PPP1R9A: variants seen among roughly 807,000 people sequenced by gnomAD.
PPP1R9A encodes protein phosphatase 1 regulatory subunit 9A, also known as neurabin-1.
A neutral mutation model predicts 141.9 loss-of-function variants in PPP1R9A; 59 were observed. The ratio of observed to expected loss-of-function variants is 0.42; its 90% confidence interval spans 0.34 to 0.52. PPP1R9A has a LOEUF of 0.52. Ranked by LOEUF, PPP1R9A falls within the 20% of genes least tolerant of loss-of-function variation. The probability of loss-of-function intolerance (pLI) is 0.10; values close to 1 mark genes in which losing one functional copy is unlikely to be tolerated. For missense variants in PPP1R9A, 1,444 were observed against 1,611.9 expected (o/e 0.90, Z 1.78); for synonymous variants, 500 against 569.7 (o/e 0.88, Z 1.74).
intron 2 of PPP1R9A, among the ~76,000 whole-genome samples, chr7:94,951,931 G>A (rs4727308): frequency 0.63 from 95,602 of 151,532 alleles, 31,348 homozygotes; most frequent in East Asian, 1. Flanking sequence ...TTTTGGAGTC[G>A]ATTTTGGTAA....
intron 2 of PPP1R9A, among the ~76,000 whole-genome samples, chr7:95,058,070 A>G (rs1299814752): frequency 6.6e-6 from 1 of 152,190 alleles, no homozygotes; most frequent in Non-Finnish European, 1.5e-5. Context: ...AGTCTGATTC[A>G]GTAAGTCAGA....
intron 8 of PPP1R9A, among the ~76,000 whole-genome samples, chr7:95,239,341 G>A (rs888914924): frequency 3.3e-5 from 5 of 152,102 alleles, no homozygotes; most frequent in African/African-American, 1.2e-4. Context: ...TGCAGTTGCT[G>A]GATAAACACC....
At chr7:95,178,116 T>C (rs187136589) in intron 5 of PPP1R9A, among the ~76,000 whole-genome samples, 2 of 152,232 alleles carry the variant, frequency 1.3e-5, no homozygotes, top group Admixed American at 1.3e-4. Flanking sequence ...TTCTCCAAGA[T>C]AGACCATGTG....
rs547439158 is a variant in PPP1R9A, at chr7:95,212,648, CA to C, written c.1956+8920del. Among the ~76,000 whole-genome samples, 5 of 152,288 alleles carry C rather than the reference CA, an allele frequency of 3.3e-5. No individual in the cohort carries two copies. In the East Asian group the frequency reaches 9.7e-4, roughly 29 times the overall value. ...TCCTGGAAGGCAGTCATGTCAGCCT[CA>C]ACCTTTTGGCCAGGGTTTTTCTGGA... is the stretch of plus-strand genomic sequence containing the variant. On this transcript the variant is annotated intron_variant, in intron 7 of 19. Coordinates refer to ENST00000433360, the MANE Select transcript of PPP1R9A (RefSeq NM_001166160.2).
intron 5 of PPP1R9A, among the ~76,000 whole-genome samples, chr7:95,182,706 C>T (rs372042720): frequency 2.0e-5 from 3 of 152,086 alleles, no homozygotes; most frequent in Admixed American, 6.5e-5. Flanking sequence ...CTAAGACTAC[C>T]GCTTGCCCTA....
At chr7:95,096,927 T>C (rs1020844361) in intron 2 of PPP1R9A, among the ~76,000 whole-genome samples, 4 of 152,228 alleles carry the variant, frequency 2.6e-5, no homozygotes, top group African/African-American at 9.6e-5. Context: ...TGCTCACCTC[T>C]CTTCCCAGGT....
At chr7:95,158,092 A>G (rs1224235066) in intron 4 of PPP1R9A, among the ~76,000 whole-genome samples, 1 of 152,260 alleles carries the variant, frequency 6.6e-6, no homozygotes, top group African/African-American at 2.4e-5. Context: ...TTTATTAGCT[A>G]AGACAATGTA....
At chr7:95,073,975 A>G (rs1488165945) in intron 2 of PPP1R9A, among the ~76,000 whole-genome samples, 3 of 152,202 alleles carry the variant, frequency 2.0e-5, no homozygotes, top group African/African-American at 7.2e-5. Flanking sequence ...ATATGTTGTA[A>G]GAATGATGAA....
chr7:95,118,643 TG>T lies in PPP1R9A; in HGVS notation c.1529-2068del, dbSNP rs1329836215. Among the ~76,000 whole-genome samples the T allele has an allele frequency of 2.0e-5, 3 of 152,076 alleles. No individual in the cohort carries two copies. The East Asian group carries it at 5.8e-4, about 29-fold the overall frequency. On this transcript the variant is annotated intron_variant, in intron 3 of 19. Transcript: ENST00000433360. ...GGCATAAGTTGGTTATAAGTAGTAA[TG>T]TATGAGATAAACCTTCATCCGAAGA...
chr7:95,242,363 T>C (rs1312135409), intron 8 of PPP1R9A, among the ~76,000 whole-genome samples: 1 of 152,170 alleles, frequency 6.6e-6, no homozygotes, highest in African/African-American at 2.4e-5. Context: ...GTTGCCCTTA[T>C]CTGATTGTAA....
chr7:95,208,494 G>A (rs1044306230), intron 7 of PPP1R9A, among the ~76,000 whole-genome samples: 3 of 152,152 alleles, frequency 2.0e-5, no homozygotes, highest in African/African-American at 7.2e-5. Context: ...GGAGGCTGAG[G>A]CAGGTGGATC....
intron 7 of PPP1R9A, among the ~76,000 whole-genome samples, chr7:95,213,747 T>A (rs1195416257): frequency 6.6e-6 from 1 of 152,198 alleles, no homozygotes; most frequent in Non-Finnish European, 1.5e-5. Flanking sequence ...CCATCAAGTT[T>A]CTGTTTAAAC....
intron 2 of PPP1R9A, among the ~76,000 whole-genome samples, chr7:95,068,208 G>T (rs1376371642): frequency 1.3e-5 from 2 of 152,226 alleles, no homozygotes; most frequent in Non-Finnish European, 2.9e-5. Flanking sequence ...GGTGGCTCAC[G>T]CCTGTAATCC....
At chr7:95,133,542 T>TAC (rs60539755) in intron 4 of PPP1R9A, among the ~76,000 whole-genome samples, 1 of 136,910 alleles carries the variant, frequency 7.3e-6, no homozygotes, top group Non-Finnish European at 1.6e-5. Flanking sequence ...TATATATATA[T>TAC]GCACATCATT....
intron 2 of PPP1R9A, among the ~76,000 whole-genome samples, chr7:95,027,024 T>C (rs1806951344): frequency 6.6e-6 from 1 of 152,152 alleles, no homozygotes; most frequent in Admixed American, 6.6e-5. Context: ...CTGGACTCCA[T>C]AGGGGTGGGA....
chr7:95,062,634 C>T (rs574571491), intron 2 of PPP1R9A, among the ~76,000 whole-genome samples: 78 of 151,988 alleles, frequency 5.1e-4, no homozygotes, highest in South Asian at 4.4e-3. Context: ...GTGATCTGCC[C>T]GCCTCGGCCT....
At position 95,120,838 on chromosome 7, in the gene PPP1R9A, T is replaced by C; in HGVS notation, c.1649+6T>C. ...GCTGCTCAACGGGATGGCAGGTAAATTAAGGACTGTTGTTAATAACTTAAA... is the reference window on the plus strand; with the variant it reads ...GCTGCTCAACGGGATGGCAGGTAAACTAAGGACTGTTGTTAATAACTTAAA... On this transcript the variant is annotated splice_donor_region_variant and intron_variant, in intron 4 of 19. Coordinates refer to ENST00000433360, the MANE Select transcript of PPP1R9A (RefSeq NM_001166160.2). 6.2e-7 allele frequency: 1 copy of C among 1,612,296 alleles called. No individual in the cohort carries two copies. The highest frequency in any genetic ancestry group is 8.5e-7 in the Non-Finnish European group (1 of 1,179,242).
chr7:95,078,201 A>C (rs562042221), intron 2 of PPP1R9A, among the ~76,000 whole-genome samples: 2 of 141,432 alleles, frequency 1.4e-5, no homozygotes, highest in African/African-American at 5.3e-5. Context: ...TCACTGTTCA[A>C]TTCCCACCTA....
chr7:95,159,292 AAG>A (rs1217572970), intron 4 of PPP1R9A, among the ~76,000 whole-genome samples: 1 of 152,242 alleles, frequency 6.6e-6, no homozygotes, highest in East Asian at 1.9e-4. Context: ...AAGTTGCAAA[AAG>A]AGAGGTATAC....
Sources: allele counts gnomAD v4.1 joint callset (sites outside exome capture counted in the v4.1 genomes callset), GRCh38; gene constraint gnomAD v4.1.1; transcripts MANE v1.5; gene names NCBI Gene and HGNC (gene_info 2026-07-23, HGNC 2026-07-21).